Variants in CHEK2 observed in about 807,000 individuals in gnomAD.
CHEK2 encodes serine/threonine-protein kinase Chk2.
Under a neutral mutation model 69.1 loss-of-function variants are expected in CHEK2, and 71 were observed. That is an observed-to-expected ratio of 1.03 (90% CI 0.85 to 1.25). CHEK2 has a LOEUF of 1.25. Ranked by LOEUF, CHEK2 falls within the 50% of genes most tolerant of loss-of-function variation. CHEK2 has a pLI of 0.00. For missense variants in CHEK2, 664 were observed against 649.6 expected (o/e 1.02, Z -0.24); for synonymous variants, 189 against 226.9 (o/e 0.83, Z 1.50).
intron 2 of CHEK2, 36 bp downstream of exon 2, chr22:28,734,367 G>A (rs2146142445): frequency 1.3e-6 from 2 of 1,596,342 alleles, no homozygotes; most frequent in South Asian, 2.2e-5. Context: ...GTGTTTTTCT[G>A]AACAAAACGT....
intron 6 of CHEK2, 152 bp downstream of exon 6, chr22:28,711,757 G>T: frequency 1.5e-6 from 1 of 647,228 alleles, no homozygotes; most frequent in Non-Finnish European, 2.8e-6. Context: ...AATCAAAGAT[G>T]CCCCAAAATT....
intron 2 of CHEK2, chr22:28,729,176 T>C (rs746580738): frequency 2.2e-5 from 4 of 180,134 alleles, no homozygotes; most frequent in Non-Finnish European, 3.6e-5. Flanking sequence ...AATATAGATA[T>C]AAAAATCCTC....
At position 28,734,695 on chromosome 22, in the gene CHEK2, A is replaced by G. The variant is rs876660497; in HGVS notation, c.27T>C (p.Ala9=). 2 of 1,613,912 alleles carry G rather than the reference A, an allele frequency of 1.2e-6. No homozygotes were observed. Among genetic ancestry groups the G allele is most frequent in the Non-Finnish European group, 1.7e-6 (2 of 1,180,030 alleles). The change falls in exon 2 of 15, where the codon GCT becomes GCC. Residue 9 remains alanine (A), a synonymous_variant. Coordinates refer to ENST00000404276, the MANE Select transcript of CHEK2 (RefSeq NM_007194.4). MSRESDVE[A]QQSHGSSACS... ...AGGCACTGCTGCCATGAGACTGCTG[A>G]GCCTCAACATCCGACTCCCGAGACA...
At chr22:28,728,583 T>G (rs1405620167) in intron 2 of CHEK2, among the ~76,000 whole-genome samples, 1 of 152,098 alleles carries the variant, frequency 6.6e-6, no homozygotes, top group African/African-American at 2.4e-5. Context: ...GCCCCTGTAG[T>G]CCCAGCTACT....
intron 4 of CHEK2, among the ~76,000 whole-genome samples, chr22:28,724,171 G>C (rs771044560): frequency 6.6e-6 from 1 of 152,106 alleles, no homozygotes; most frequent in Admixed American, 6.5e-5. Flanking sequence ...ACTTTGGGAG[G>C]CTGAAGCAGG....
intron 5 of CHEK2, 102 bp from the exon 6 acceptor site, chr22:28,712,119 A>G (rs559474229): frequency 3.6e-6 from 3 of 839,848 alleles, no homozygotes; most frequent in African/African-American, 1.7e-5. Context: ...GACATTCCAT[A>G]TAACAGCCTT....
At chr22:28,689,622 C>T (rs1177244971) in intron 13 of CHEK2, among the ~76,000 whole-genome samples, 1 of 152,162 alleles carries the variant, frequency 6.6e-6, no homozygotes, top group African/African-American at 2.4e-5. Flanking sequence ...ATGAATGAGG[C>T]CAGTCACCCA....
intron 1 of CHEK2, chr22:28,737,448 AT>A: frequency 3.3e-6 from 1 of 304,116 alleles, no homozygotes; most frequent in Admixed American, 4.1e-5. Context: ...AAACCATGTA[AT>A]TTAAGACTTA....
chr22:28,697,903 C>T (rs1454005809), intron 9 of CHEK2, among the ~76,000 whole-genome samples: 1 of 151,726 alleles, frequency 6.6e-6, no homozygotes, highest in Non-Finnish European at 1.5e-5. Context: ...AAAATTTTCA[C>T]ATATCCACAA....
intron 9 of CHEK2, among the ~76,000 whole-genome samples, chr22:28,699,328 T>TAAGA (rs1248055319): frequency 2.0e-5 from 3 of 151,634 alleles, no homozygotes; most frequent in African/African-American, 4.8e-5. Context: ...TTCCCTTTCT[T>TAAGA]ACTTTCTCTT....
At chr22:28,725,200 C>A (rs2146064669) in intron 3 of CHEK2, 43 bp downstream of exon 3, 1 of 1,613,860 alleles carries the variant, frequency 6.2e-7, no homozygotes. Context: ...AAACAATGAC[C>A]AAATTACCAG....
At chr22:28,710,493 C>T (rs749966164) in intron 6 of CHEK2, among the ~76,000 whole-genome samples, 52 of 152,170 alleles carry the variant, frequency 3.4e-4, no homozygotes, top group Non-Finnish European at 5.0e-4. Context: ...AAACAAAAAA[C>T]ATGAACAAGA....
At chr22:28,739,974 G>A (rs776544271) in intron 1 of CHEK2, among the ~76,000 whole-genome samples, 2 of 152,080 alleles carry the variant, frequency 1.3e-5, no homozygotes, top group South Asian at 2.1e-4. Context: ...AGGCCAAGGC[G>A]GGCGGATCAC....
At chr22:28,739,562 G>A (rs1020174292) in intron 1 of CHEK2, among the ~76,000 whole-genome samples, 4 of 151,916 alleles carry the variant, frequency 2.6e-5, no homozygotes, top group African/African-American at 2.4e-5. Context: ...GGTGGCAGGC[G>A]TCTATAATCC....
At chr22:28,716,263 C>T (rs1052105042) in intron 5 of CHEK2, among the ~76,000 whole-genome samples, 2 of 148,134 alleles carry the variant, frequency 1.4e-5, no homozygotes, top group African/African-American at 5.0e-5. Flanking sequence ...GTGGCGTGAT[C>T]TCAGCTCACT....
intron 2 of CHEK2, among the ~76,000 whole-genome samples, chr22:28,728,523 G>A (rs1013935052): frequency 1.1e-4 from 16 of 152,062 alleles, no homozygotes; most frequent in Admixed American, 5.2e-4. Context: ...GCAAAATCCC[G>A]TCTCTACTAA....
intron 7 of CHEK2, among the ~76,000 whole-genome samples, chr22:28,704,625 G>A (rs895545561): frequency 3.9e-5 from 6 of 152,054 alleles, no homozygotes; most frequent in East Asian, 3.9e-4. Context: ...GAGCCACCAC[G>A]CCCGGTGGGC....
chr22:28,703,166 T>G (rs1243044813), intron 8 of CHEK2, among the ~76,000 whole-genome samples: 1 of 152,192 alleles, frequency 6.6e-6, no homozygotes, highest in Admixed American at 6.5e-5. Context: ...GGACTCTGCA[T>G]GTGGGGGTTC....
intron 2 of CHEK2, among the ~76,000 whole-genome samples, chr22:28,726,022 G>A (rs1777962020): frequency 6.6e-6 from 1 of 152,014 alleles, no homozygotes; most frequent in African/African-American, 2.4e-5. Flanking sequence ...GGCCAAGATG[G>A]TGAAACCCTG....
Sources: allele counts gnomAD v4.1 joint callset (sites outside exome capture counted in the v4.1 genomes callset), GRCh38; gene constraint gnomAD v4.1.1; transcripts MANE v1.5; gene names NCBI Gene and HGNC (gene_info 2026-07-23, HGNC 2026-07-21).